Variants in NRIP1 observed in about 807,000 individuals in gnomAD.
NRIP1 encodes the protein nuclear receptor interacting protein 1.
In NRIP1, 28 loss-of-function variants were observed where a neutral mutation model predicts 75.0. The ratio of observed to expected loss-of-function variants is 0.37; its 90% CI spans 0.28 to 0.51. The LOEUF (loss-of-function observed/expected upper bound fraction) is 0.51, where lower values mean the gene tolerates loss of function less well. Ranked by LOEUF, NRIP1 falls within the 20% of genes least tolerant of loss-of-function variation. NRIP1 has a pLI of 0.92. For synonymous variants in NRIP1, 526 were observed against 487.6 expected (o/e 1.08, Z -1.04); for missense variants, 1,435 against 1,343.7 (o/e 1.07, Z -1.06).
At chr21:14,977,120 A>G (rs1481831849) in intron 3 of NRIP1, among the ~76,000 whole-genome samples, 1 of 152,200 alleles carries the variant, frequency 6.6e-6, no homozygotes, top group Non-Finnish European at 1.5e-5. Flanking sequence ...CCTAATGGAC[A>G]ATATTATTAT....
rs1266759566 is a variant in NRIP1, at chr21:15,033,949, T to A, written c.-458+9546A>T. On this transcript the variant is annotated intron_variant, in intron 2 of 3. Transcript: ENST00000318948. The stretch of plus-strand genomic sequence containing the variant: ...TACAAATCATTCATCAAATTTCTTG[T>A]TCCTGGAGCTATGCTAAAGACACAA... Among the ~76,000 whole-genome samples the A allele has an allele frequency of 2.0e-5, 3 of 152,188 alleles. No homozygotes were observed. The East Asian group carries it at 5.8e-4, about 29-fold the overall frequency.
chr21:15,038,409 G>GTTTCTGTAAAATAT (rs1166491396), intron 2 of NRIP1, among the ~76,000 whole-genome samples: 1 of 151,764 alleles, frequency 6.6e-6, no homozygotes, highest in African/African-American at 2.4e-5. Flanking sequence ...AAAACCTTTT[G>GTTTCTGTAAAATAT]AGCTCTGCCT....
chr21:14,981,528 T>A (rs2087233924), intron 3 of NRIP1, among the ~76,000 whole-genome samples: 1 of 152,170 alleles, frequency 6.6e-6, no homozygotes, highest in Non-Finnish European at 1.5e-5. Context: ...CAGGAGGCTT[T>A]AGAGGATGAC....
At chr21:14,977,949 TCAGAGA>T (rs2087119769) in intron 3 of NRIP1, among the ~76,000 whole-genome samples, 1 of 152,190 alleles carries the variant, frequency 6.6e-6, no homozygotes. Flanking sequence ...CAGATACTCC[TCAGAGA>T]CAGGTGGCAT....
At chr21:14,982,544 C>T (rs957664259) in intron 3 of NRIP1, among the ~76,000 whole-genome samples, 1 of 152,154 alleles carries the variant, frequency 6.6e-6, no homozygotes, top group Non-Finnish European at 1.5e-5. Flanking sequence ...TCTCTTTAGG[C>T]AGCCTTCACT....
At chr21:14,982,710 T>G (rs1297656701) in intron 3 of NRIP1, among the ~76,000 whole-genome samples, 1 of 56,090 alleles carries the variant, frequency 1.8e-5, no homozygotes, top group Non-Finnish European at 3.3e-5. Flanking sequence ...TTTTTTTTGT[T>G]TTTTTTTTGT....
chr21:15,005,942 T>C (rs958255062), intron 3 of NRIP1, among the ~76,000 whole-genome samples: 1 of 152,200 alleles, frequency 6.6e-6, no homozygotes, highest in Non-Finnish European at 1.5e-5. Flanking sequence ...TAAAGCTCTA[T>C]TTGTATCTTT....
chr21:14,991,580 A>G (rs1001533768), intron 3 of NRIP1, among the ~76,000 whole-genome samples: 1 of 152,098 alleles, frequency 6.6e-6, no homozygotes, highest in African/African-American at 2.4e-5. Flanking sequence ...TCCTGACAGA[A>G]TAAGATGCCT....
intron 1 of NRIP1, among the ~76,000 whole-genome samples, chr21:15,056,291 T>TAAAAA (rs113146551): frequency 8.1e-6 from 1 of 123,284 alleles, no homozygotes; most frequent in Non-Finnish European, 1.8e-5. Flanking sequence ...AATTCAAAGT[T>TAAAAA]AAAAAAAAAA....
intron 1 of NRIP1, among the ~76,000 whole-genome samples, chr21:15,045,530 G>C (rs1048702577): frequency 6.6e-6 from 1 of 152,210 alleles, no homozygotes; most frequent in African/African-American, 2.4e-5. Context: ...TTACTCTTCA[G>C]TGGTGGGCAC....
At chr21:15,039,880 T>C (rs2088916508) in intron 2 of NRIP1, among the ~76,000 whole-genome samples, 1 of 152,078 alleles carries the variant, frequency 6.6e-6, no homozygotes, top group Non-Finnish European at 1.5e-5. Context: ...GGCTAATTGA[T>C]TTATCTGATG....
intron 1 of NRIP1, among the ~76,000 whole-genome samples, chr21:15,048,372 T>A (rs1287625780): frequency 6.6e-6 from 1 of 152,150 alleles, no homozygotes; most frequent in Non-Finnish European, 1.5e-5. Flanking sequence ...TGCCTACACA[T>A]CAGCAACACC....
chr21:15,020,491 G>C (rs1275801436), intron 2 of NRIP1, among the ~76,000 whole-genome samples: 1 of 152,034 alleles, frequency 6.6e-6, no homozygotes, highest in Non-Finnish European at 1.5e-5. Context: ...ACAACTTCTA[G>C]AAGAAGGAAT....
intron 3 of NRIP1, among the ~76,000 whole-genome samples, chr21:14,976,332 A>G (rs921179041): frequency 2.0e-5 from 3 of 152,182 alleles, no homozygotes; most frequent in Non-Finnish European, 4.4e-5. Context: ...AATCTTCACC[A>G]TATGCGTAGA....
chr21:15,045,738 G>A (rs1202413225), intron 1 of NRIP1, among the ~76,000 whole-genome samples: 1 of 152,186 alleles, frequency 6.6e-6, no homozygotes, highest in Non-Finnish European at 1.5e-5. Context: ...TTCTAGATGG[G>A]AGTCAATCCT....
At chr21:15,011,815 T>C (rs2088110736) in intron 3 of NRIP1, among the ~76,000 whole-genome samples, 1 of 152,182 alleles carries the variant, frequency 6.6e-6, no homozygotes, top group Admixed American at 6.5e-5. Context: ...ACAGAAAGTA[T>C]ATAAAGTCCT....
At chr21:15,053,683 T>C (rs143008265) in intron 1 of NRIP1, among the ~76,000 whole-genome samples, 96 of 152,292 alleles carry the variant, frequency 6.3e-4, no homozygotes, top group African/African-American at 2.1e-3. Context: ...AGTGCATAAA[T>C]AGTAAATGTG....
chr21:15,030,913 CT>C (rs1397787503), intron 2 of NRIP1, among the ~76,000 whole-genome samples: 1 of 132,298 alleles, frequency 7.6e-6, no homozygotes, highest in Non-Finnish European at 1.8e-5. Context: ...ACCACATTCC[CT>C]TTCTATGTGT....
chr21:14,970,346 G>C (rs1455774546), intron 3 of NRIP1, among the ~76,000 whole-genome samples: 1 of 152,128 alleles, frequency 6.6e-6, no homozygotes, highest in Non-Finnish European at 1.5e-5. Flanking sequence ...AGGAGTTTGA[G>C]ACCAACCTGA....
Sources: gnomAD v4.1 joint callset for allele counts (sites outside exome capture counted in the v4.1 genomes callset) on GRCh38, gnomAD v4.1.1 for gene constraint, MANE v1.5 for transcripts, NCBI Gene and HGNC (gene_info 2026-07-23, HGNC 2026-07-21) for gene names.